Variants in DDRGK1 observed in about 807,000 individuals in gnomAD.
DDRGK1 encodes DDRGK domain containing 1.
DDRGK1 carries 38 observed loss-of-function variants against 45.8 expected under a neutral mutation model. The observed-to-expected ratio is 0.83, with a 90% CI of 0.64 to 1.09. The LOEUF (loss-of-function observed/expected upper bound fraction) is 1.09. Among genes scored for constraint, DDRGK1 ranks in the 50% least tolerant of loss-of-function variants. The pLI is 0.00. For synonymous variants in DDRGK1, 171 were observed against 168.7 expected (o/e 1.01, Z -0.11); for missense variants, 403 against 419.9 (o/e 0.96, Z 0.35).
chr20:3,204,269 G>C (rs1395074387), intron 1 of DDRGK1, among the ~76,000 whole-genome samples: 2 of 152,214 alleles, frequency 1.3e-5, no homozygotes, highest in African/African-American at 4.8e-5. Context: ...CAGGGCCTCA[G>C]GCCTTTGGAG....
rs1294606235 is a variant in DDRGK1, at chr20:3,204,663, C to T, written c.-36G>A. Reference sequence around the variant, plus strand: ...TCAGTGCAGAACCACTGCGTCCACCCTGAGGCCGGGATCTCATAGGCCCCG... The same window carrying T: ...TCAGTGCAGAACCACTGCGTCCACCTTGAGGCCGGGATCTCATAGGCCCCG... On this transcript the variant is annotated 5_prime_UTR_variant, in exon 1 of 9. Coordinates refer to ENST00000354488, the MANE Select transcript of DDRGK1 (RefSeq NM_023935.3). 3 of 1,547,682 alleles carry T rather than the reference C, an allele frequency of 1.9e-6. No homozygotes were observed. The highest frequency in any genetic ancestry group is 1.2e-5 in the South Asian group (1 of 84,618).
chr20:3,200,362 C>T lies in DDRGK1; in HGVS notation c.388G>A (p.Ala130Thr). ...KKLRKLEEKQ[A>T]RKAQREAEEA... ...CTTGCCTCACGCTGGGCCTTTCGCGCTTGTTTCTCCTCCAGCTTCCGCAGT... is the reference window on the plus strand; with the variant it reads ...CTTGCCTCACGCTGGGCCTTTCGCGTTTGTTTCTCCTCCAGCTTCCGCAGT... The change falls in exon 3 of 9, where the codon GCG (alanine) becomes ACG (threonine). Residue 130 changes from alanine to threonine, a missense_variant. Transcript: ENST00000354488. 1 of 1,571,736 alleles carries T rather than the reference C, an allele frequency of 6.4e-7. No homozygotes were observed. Among genetic ancestry groups the T allele is most frequent in the Non-Finnish European group, 8.6e-7 (1 of 1,157,946 alleles).
chr20:3,196,494 G>A lies in DDRGK1; in HGVS notation c.511-1141C>T, dbSNP rs556165383. Among the ~76,000 whole-genome samples the A allele has an allele frequency of 1.8e-3, 265 of 145,260 alleles. 2 individuals carry two copies. Among genetic ancestry groups the A allele is most frequent in the East Asian group, 4.6e-3 (23 of 4,966 alleles). The stretch of plus-strand genomic sequence containing the variant: ...AGATCGAGACCATCCTGGCTAACAC[G>A]GTGAAACCCTGTCTCCACTAAAAAT... On this transcript the variant is annotated intron_variant, in intron 4 of 8. Coordinates refer to ENST00000354488, the MANE Select transcript of DDRGK1 (RefSeq NM_023935.3).
chr20:3,195,020 A>G, intron 5 of DDRGK1, 152 bp from the exon 6 acceptor site: 1 of 1,322,992 alleles, frequency 7.6e-7, no homozygotes, highest in Non-Finnish European at 1.0e-6. Flanking sequence ...GCTTGCCTAC[A>G]CAAGCAGCAG....
intron 6 of DDRGK1, 52 bp from the exon 7 acceptor site, chr20:3,191,873 C>G: frequency 6.4e-7 from 1 of 1,556,976 alleles, no homozygotes; most frequent in Non-Finnish European, 8.7e-7. Context: ...GCAAATCCCT[C>G]TAAGCATGGG....
intron 4 of DDRGK1, among the ~76,000 whole-genome samples, chr20:3,199,740 G>A (rs1459696000): frequency 6.6e-6 from 1 of 152,114 alleles, no homozygotes; most frequent in African/African-American, 2.4e-5. Flanking sequence ...TCTCTGCCCA[G>A]CTATCCTCCT....
intron 4 of DDRGK1, among the ~76,000 whole-genome samples, chr20:3,195,825 C>T (rs1344397678): frequency 1.3e-5 from 2 of 152,296 alleles, no homozygotes; most frequent in East Asian, 1.9e-4. Flanking sequence ...ACTCCTGCCA[C>T]AGTCTCACCC....
chr20:3,195,364 A>G lies in DDRGK1; in HGVS notation c.511-11T>C, dbSNP rs767882309. ...CCTCTCCTCCTCCTCCTGTGGACATAGGAGGCAAAAGTCAGGTATCGGGGG... is the reference window on the plus strand; with the variant it reads ...CCTCTCCTCCTCCTCCTGTGGACATGGGAGGCAAAAGTCAGGTATCGGGGG... On this transcript the variant is annotated splice_polypyrimidine_tract_variant and intron_variant, in intron 4 of 8. Transcript: ENST00000354488. 3.2e-6 allele frequency: 5 copies of G among 1,578,216 alleles called. No homozygotes were observed. The highest frequency in any genetic ancestry group is 3.4e-6 in the Non-Finnish European group (4 of 1,164,230).
At chr20:3,190,940 C>T (rs1035810320) in intron 8 of DDRGK1, 121 bp from the exon 9 acceptor site, 3 of 1,406,442 alleles carry the variant, frequency 2.1e-6, no homozygotes, top group Non-Finnish European at 9.6e-7. Context: ...CCTGCCTGGA[C>T]TTTCCTGGCT....
chr20:3,190,860 C>T (rs766155917), intron 8 of DDRGK1, 41 bp from the exon 9 acceptor site: 9 of 1,574,582 alleles, frequency 5.7e-6, no homozygotes, highest in East Asian at 4.6e-5. Context: ...GCCTCCTGGG[C>T]GTTCCCCATC....
intron 8 of DDRGK1, 64 bp downstream of exon 8, chr20:3,191,126 G>A (rs2066987761): frequency 8.1e-6 from 13 of 1,601,128 alleles, no homozygotes; most frequent in South Asian, 1.1e-5. Context: ...GCACATCCCT[G>A]CAGCCCCTGT....
intron 7 of DDRGK1, 77 bp from the exon 8 acceptor site, chr20:3,191,315 A>G: frequency 6.7e-7 from 1 of 1,484,172 alleles, no homozygotes. Flanking sequence ...CCCTCCCACT[A>G]CAGCCAAATC....
chr20:3,190,736 G>T lies in DDRGK1; in HGVS notation c.862C>A (p.Arg288=). 1 of 1,614,114 alleles carries T rather than the reference G, an allele frequency of 6.2e-7. No homozygotes were observed. The highest frequency in any genetic ancestry group is 8.5e-7 in the Non-Finnish European group (1 of 1,179,998). The change falls in exon 9 of 9, where the codon CGG becomes AGG. Residue 288 remains arginine (R), a synonymous_variant. Transcript: ENST00000354488. ...TGGGCAAGCTCGGCGATGGACACCC[G>T]GCCCCGCTGTCGGATGAAGTTGGCC... ...AVANFIRQRG[R]VSIAELAQAS... is the part of the protein sequence containing the mutation.
Position 3,191,173 on chromosome 20 carries a change from G to T in DDRGK1, c.778+17C>A. The T allele has an allele frequency of 6.2e-7, 1 of 1,614,118 alleles. No individual in the cohort carries two copies. Among genetic ancestry groups the T allele is most frequent in the Non-Finnish European group, 8.5e-7 (1 of 1,179,984 alleles). ...CTCCAAGGCCAGGACTGCAGTGATTGGCTCTCATCATCTCACCTGTTATAG... is the reference window on the plus strand; with the variant it reads ...CTCCAAGGCCAGGACTGCAGTGATTTGCTCTCATCATCTCACCTGTTATAG... On this transcript the variant is annotated intron_variant, in intron 8 of 8. Coordinates refer to ENST00000354488, the MANE Select transcript of DDRGK1 (RefSeq NM_023935.3).
intron 4 of DDRGK1, among the ~76,000 whole-genome samples, chr20:3,198,402 CAA>C (rs34379071): frequency 1.9e-4 from 14 of 75,266 alleles, no homozygotes; most frequent in Admixed American, 4.7e-4. Flanking sequence ...GACTCTGTCT[CAA>C]AAAAAAAAAA....
intron 2 of DDRGK1, 93 bp from the exon 3 acceptor site, chr20:3,200,547 GA>G: frequency 8.8e-7 from 1 of 1,139,754 alleles, no homozygotes; most frequent in South Asian, 1.4e-5. Flanking sequence ...CTAACAGGGG[GA>G]TCCCCTTCCA....
rs1319490764 is a variant in DDRGK1, at chr20:3,194,840, T to C, written c.662A>G (p.Asn221Ser). ...QSQSFLTEFI[N>S]YIKQSKVVLL... is the part of the protein sequence containing the mutation. ...TCAGTGGCTTCTTACCTTGATGTAG[T>C]TGATGAACTCTGTCAGGAAGCTCTG... The change falls in exon 6 of 9, where the codon AAC becomes AGC. Residue 221 changes from asparagine (N) to serine (S), a missense_variant. By Grantham distance (46) the Asn-to-Ser change is conservative. Coordinates refer to ENST00000354488, the MANE Select transcript of DDRGK1 (RefSeq NM_023935.3). 1 of 1,614,150 alleles carries C rather than the reference T, an allele frequency of 6.2e-7. No homozygotes were observed. Among genetic ancestry groups the C allele is most frequent in the Non-Finnish European group, 8.5e-7 (1 of 1,180,006 alleles).
intron 4 of DDRGK1, among the ~76,000 whole-genome samples, chr20:3,199,286 G>A (rs983424597): frequency 6.6e-6 from 1 of 152,216 alleles, no homozygotes; most frequent in Non-Finnish European, 1.5e-5. Flanking sequence ...CAGGGGAGAA[G>A]AGCCAGGATA....
chr20:3,198,100 TAAAAAAAAAAA>T (rs34302663), intron 4 of DDRGK1, among the ~76,000 whole-genome samples: 1 of 53,030 alleles, frequency 1.9e-5, no homozygotes, highest in African/African-American at 7.7e-5. Context: ...CCATCTCTCT[TAAAAAAAAAAA>T]AAAAAAAAAA....
Sources: allele counts gnomAD v4.1 joint callset (sites outside exome capture counted in the v4.1 genomes callset), GRCh38; gene constraint gnomAD v4.1.1; transcripts MANE v1.5; gene names NCBI Gene and HGNC (gene_info 2026-07-23, HGNC 2026-07-21).